Variants in FAM78B observed in about 807,000 individuals in gnomAD.
FAM78B encodes the protein protein FAM78B.
FAM78B carries 10 observed loss-of-function variants against 20.0 expected under a neutral mutation model. That is an observed-to-expected ratio of 0.50 (90% CI 0.31 to 0.85). The LOEUF (loss-of-function observed/expected upper bound fraction) is 0.85, where lower values mean the gene tolerates loss of function less well. FAM78B is among the 40% of genes least tolerant of loss of function. The pLI is 0.05. For synonymous variants in FAM78B, 135 were observed against 132.8 expected (o/e 1.02, Z -0.12); for missense variants, 283 against 345.0 (o/e 0.82, Z 1.42).
chr1:166,064,390 C>A (rs12036550), downstream of FAM78B, among the ~76,000 whole-genome samples: 22,987 of 152,120 alleles, frequency 0.15, 2,251 homozygotes, highest in East Asian at 0.43. Flanking sequence ...AGGAAAAATG[C>A]AGCTGTTCCT....
At chr1:166,114,746 A>T (rs1654193708) in intron 1 of FAM78B, among the ~76,000 whole-genome samples, 1 of 152,220 alleles carries the variant, frequency 6.6e-6, no homozygotes, top group South Asian at 2.1e-4. Context: ...CCAGAAGAGA[A>T]TACCAATGTG....
chr1:166,100,029 A>G (rs934115472), intron 1 of FAM78B, among the ~76,000 whole-genome samples: 2 of 152,254 alleles, frequency 1.3e-5, no homozygotes, highest in African/African-American at 2.4e-5. Flanking sequence ...AGCCTCAATA[A>G]ATTTAAGACA....
chr1:166,114,317 T>C (rs1370060676), intron 1 of FAM78B, among the ~76,000 whole-genome samples: 2 of 152,224 alleles, frequency 1.3e-5, no homozygotes, highest in Non-Finnish European at 2.9e-5. Flanking sequence ...GTCATAGTTA[T>C]TAAATGACAA....
intron 1 of FAM78B, among the ~76,000 whole-genome samples, chr1:166,119,196 C>T (rs1654375448): frequency 6.6e-6 from 1 of 152,166 alleles, no homozygotes; most frequent in South Asian, 2.1e-4. Flanking sequence ...AACAAAAGGA[C>T]ACATTTACAA....
downstream of FAM78B, among the ~76,000 whole-genome samples, chr1:166,057,191 A>G (rs541888748): frequency 1.3e-5 from 2 of 152,312 alleles, no homozygotes; most frequent in South Asian, 4.2e-4. Context: ...GAGAAGGGTG[A>G]GGATCCCTTT....
intron 1 of FAM78B, among the ~76,000 whole-genome samples, chr1:166,118,163 A>G (rs1047860014): frequency 6.6e-6 from 1 of 152,220 alleles, no homozygotes; most frequent in African/African-American, 2.4e-5. Flanking sequence ...TTCTGCCTTC[A>G]CTAAGAACCT....
rs73046926 is a variant in FAM78B, at chr1:166,146,803, T to C, written c.263+19183A>G. On this transcript the variant is annotated intron_variant, in intron 1 of 1. Coordinates refer to ENST00000354422, the MANE Select transcript of FAM78B (RefSeq NM_001017961.5). ...AATAGTAGAAATGGCCTTCTGAGCATTGGCATTCATTTCATTTGTGCTGGC... is the reference window on the plus strand; with the variant it reads ...AATAGTAGAAATGGCCTTCTGAGCACTGGCATTCATTTCATTTGTGCTGGC... Among the ~76,000 whole-genome samples the C allele has an allele frequency of 3.9e-3, 599 of 152,336 alleles. 5 individuals carry two copies. The highest frequency in any genetic ancestry group is 0.013 in the African/African-American group (551 of 41,572).
chr1:166,164,573 A>T (rs74118983), intron 1 of FAM78B, among the ~76,000 whole-genome samples: 9,939 of 152,260 alleles, frequency 0.065, 633 homozygotes, highest in Admixed American at 0.14. Context: ...GAGTTTTCTC[A>T]AGGATTAAGC....
At chr1:166,116,555 C>T (rs1329556925) in intron 1 of FAM78B, among the ~76,000 whole-genome samples, 3 of 152,200 alleles carry the variant, frequency 2.0e-5, no homozygotes, top group African/African-American at 7.2e-5. Context: ...AATCAAACAA[C>T]CCCCAACAAC....
intron 1 of FAM78B, among the ~76,000 whole-genome samples, chr1:166,119,864 T>C (rs1010135815): frequency 6.6e-6 from 1 of 152,372 alleles, no homozygotes; most frequent in African/African-American, 2.4e-5. Context: ...ACAGAGCTTC[T>C]GCCCAGCTCA....
chr1:166,152,342 C>T (rs1478211535), intron 1 of FAM78B, among the ~76,000 whole-genome samples: 3 of 152,212 alleles, frequency 2.0e-5, no homozygotes, highest in Non-Finnish European at 2.9e-5. Flanking sequence ...CGGGATGCGG[C>T]AGGACCAAAG....
intron 1 of FAM78B, among the ~76,000 whole-genome samples, chr1:166,089,528 G>A (rs1652981639): frequency 6.6e-6 from 1 of 152,018 alleles, no homozygotes; most frequent in Non-Finnish European, 1.5e-5. Flanking sequence ...GTGAAAGAAT[G>A]GGTCAGGAGG....
intron 1 of FAM78B, among the ~76,000 whole-genome samples, chr1:166,128,926 T>C (rs1654768881): frequency 6.6e-6 from 1 of 152,156 alleles, no homozygotes; most frequent in Non-Finnish European, 1.5e-5. Context: ...CTTAATTGTA[T>C]AGAGTGCTGG....
intron 1 of FAM78B, among the ~76,000 whole-genome samples, chr1:166,075,389 A>G (rs1456929830): frequency 6.6e-6 from 1 of 152,190 alleles, no homozygotes; most frequent in Non-Finnish European, 1.5e-5. Context: ...TAAATAAACA[A>G]AAAGAATCAC....
At chr1:166,141,371 G>T (rs184034832) in intron 1 of FAM78B, among the ~76,000 whole-genome samples, 1 of 152,118 alleles carries the variant, frequency 6.6e-6, no homozygotes, top group Non-Finnish European at 1.5e-5. Flanking sequence ...CAGTTATCAC[G>T]CAAGATATTC....
At chr1:166,140,357 A>G (rs1655233659) in intron 1 of FAM78B, among the ~76,000 whole-genome samples, 1 of 152,232 alleles carries the variant, frequency 6.6e-6, no homozygotes, top group Admixed American at 6.5e-5. Flanking sequence ...TTTGGATTGG[A>G]TGGTGGAAGT....
chr1:166,064,497 G>A (rs1031546973), downstream of FAM78B, among the ~76,000 whole-genome samples: 10 of 152,044 alleles, frequency 6.6e-5, no homozygotes, highest in African/African-American at 9.7e-5. Context: ...CCAAAAGGCC[G>A]CTTGGAGTTC....
At chr1:166,074,635 TCTTATA>T (rs552381759) in intron 1 of FAM78B, among the ~76,000 whole-genome samples, 148 of 152,308 alleles carry the variant, frequency 9.7e-4, no homozygotes, top group African/African-American at 3.2e-3. Flanking sequence ...TTTATTACAG[TCTTATA>T]CTTTATATAT....
intron 1 of FAM78B, among the ~76,000 whole-genome samples, chr1:166,072,954 T>C (rs534998298): frequency 6.6e-6 from 1 of 152,278 alleles, no homozygotes; most frequent in South Asian, 2.1e-4. Context: ...CCCAGAGCTG[T>C]GTGAGCAGAG....
Sources: gnomAD v4.1 joint callset for allele counts (sites outside exome capture counted in the v4.1 genomes callset) on GRCh38, gnomAD v4.1.1 for gene constraint, MANE v1.5 for transcripts, NCBI Gene and HGNC (gene_info 2026-07-23, HGNC 2026-07-21) for gene names.